Variants in ESR2 observed in about 807,000 individuals in gnomAD.
ESR2 encodes the protein estrogen receptor beta.
Under a neutral mutation model 49.6 loss-of-function variants are expected in ESR2, and 36 were observed. The observed-to-expected ratio is 0.73, with a 90% CI of 0.56 to 0.96. The LOEUF is 0.96. ESR2 is among the 40% of genes least tolerant of loss of function. The pLI is 0.00. For missense variants in ESR2, 714 were observed against 693.0 expected (o/e 1.03, Z -0.34); for synonymous variants, 320 against 266.1 (o/e 1.20, Z -1.97).
chr14:64,294,661 G>A (rs2076930034), upstream of ESR2, among the ~76,000 whole-genome samples: 1 of 152,220 alleles, frequency 6.6e-6, no homozygotes, highest in Admixed American at 6.5e-5. Context: ...CACTGATACA[G>A]CCAGTCTGGG....
At chr14:64,276,951 T>C (rs1003002536) in intron 3 of ESR2, among the ~76,000 whole-genome samples, 8 of 152,216 alleles carry the variant, frequency 5.3e-5, no homozygotes, top group Admixed American at 2.6e-4. Context: ...CTATAATCTA[T>C]TGTCTTGTTC....
At chr14:64,333,977 A>C (rs900197612) in intron 1 of ESR2, among the ~76,000 whole-genome samples, 22 of 152,114 alleles carry the variant, frequency 1.4e-4, no homozygotes, top group African/African-American at 4.8e-4. Flanking sequence ...AAATCTTTCA[A>C]ATCTGTGTGT....
chr14:64,300,752 T>C (rs1253807823), intron 1 of ESR2, among the ~76,000 whole-genome samples: 1 of 150,094 alleles, frequency 6.7e-6, no homozygotes, highest in Non-Finnish European at 1.5e-5. Context: ...ACCTCATCTT[T>C]AAAAAAAAAA....
intron 7 of ESR2, among the ~76,000 whole-genome samples, chr14:64,236,692 G>A (rs1175005796): frequency 6.6e-6 from 1 of 151,954 alleles, no homozygotes; most frequent in Non-Finnish European, 1.5e-5. Flanking sequence ...TCTCTACCCT[G>A]ATTCTTTTGC....
chr14:64,296,020 G>A (rs1171905863), upstream of ESR2, among the ~76,000 whole-genome samples: 2 of 143,696 alleles, frequency 1.4e-5, no homozygotes, highest in South Asian at 2.2e-4. Flanking sequence ...TTCCAGCCTG[G>A]GCGACAGAGC....
chr14:64,262,657 TG>T (rs2076246685), intron 4 of ESR2, among the ~76,000 whole-genome samples: 1 of 142,682 alleles, frequency 7.0e-6, no homozygotes, highest in South Asian at 2.3e-4. Context: ...AGGCCAAAGG[TG>T]GTTTCGGCGG....
chr14:64,299,832 C>A (rs2077002594), intron 1 of ESR2, among the ~76,000 whole-genome samples: 1 of 152,176 alleles, frequency 6.6e-6, no homozygotes, highest in African/African-American at 2.4e-5. Flanking sequence ...ATGAACTTCT[C>A]CAAGTAGTTC....
In ESR2 at chr14:64,303,524, A is replaced by G. The variant is rs377369697; in HGVS notation, c.-90-20449T>C. 21 of 152,072 alleles carry G rather than the reference A, an allele frequency of 1.4e-4. No individual in the cohort carries two copies. The East Asian group carries it at 3.1e-3, about 22-fold the overall frequency. 9.4% of individuals were successfully genotyped at this position (152,072 alleles called of 1,614,324 possible). ...TGTGCATTCTCCTCCTGCTCCCTCT[A>G]TCGTCCCTTCAACCTCCAGTCCTGG... On this transcript the variant is annotated intron_variant, in intron 1 of 8. Coordinates refer to the ESR2 transcript ENST00000358599.
At chr14:64,314,796 T>C (rs1379477637) in intron 1 of ESR2, among the ~76,000 whole-genome samples, 2 of 137,994 alleles carry the variant, frequency 1.4e-5, no homozygotes, top group South Asian at 2.2e-4. Flanking sequence ...GAGAATCACT[T>C]GAACCTGGGA....
intron 7 of ESR2, among the ~76,000 whole-genome samples, chr14:64,246,765 A>C (rs999864550): frequency 8.5e-5 from 12 of 141,478 alleles, no homozygotes; most frequent in Admixed American, 1.4e-4. Context: ...AAAAAAAAAA[A>C]AACACACCTG....
At chr14:64,298,493 T>C (rs906556114), upstream of ESR2, 2 of 152,218 alleles carry the variant, frequency 1.3e-5, no homozygotes, top group African/African-American at 4.8e-5. Flanking sequence ...TACTGTTGAA[T>C]GAAATGTTGT....
At chr14:64,304,353 C>A (rs140782198) in intron 1 of ESR2, among the ~76,000 whole-genome samples, 2 of 152,146 alleles carry the variant, frequency 1.3e-5, no homozygotes, top group East Asian at 1.9e-4. Flanking sequence ...TTACAGATTG[C>A]TAAATTCCAA....
Position 64,275,768 on chromosome 14 carries a change from C to G in ESR2, c.535+4213G>C, listed in dbSNP as rs936096210. 1.1e-4 allele frequency among the ~76,000 whole-genome samples: 16 copies of G among 152,194 alleles called. No homozygotes were observed. The South Asian group carries it at 1.2e-3, about 12-fold the overall frequency. ...TGGTTCTTCCTTTAGACTTTCTACT[C>G]AAAATATGAGGTTACAAACCACAAT... On this transcript the variant is annotated intron_variant, in intron 3 of 8. Transcript: ENST00000341099.
chr14:64,291,730 A>G (rs1047336333), intron 1 of ESR2, among the ~76,000 whole-genome samples: 1 of 152,202 alleles, frequency 6.6e-6, no homozygotes, highest in Non-Finnish European at 1.5e-5. Flanking sequence ...TAAGTTGGAC[A>G]CAGACCTAAG....
intron 3 of ESR2, among the ~76,000 whole-genome samples, chr14:64,272,327 T>C (rs981614910): frequency 8.5e-5 from 13 of 152,214 alleles, no homozygotes; most frequent in Admixed American, 8.5e-4. Flanking sequence ...GCAGATATTT[T>C]CTCCCATTCT....
In ESR2 at chr14:64,294,216, T is replaced by C. The variant is rs1359218939; in HGVS notation, c.-274A>G. 1 of 152,156 alleles carries C rather than the reference T, an allele frequency of 6.6e-6. No homozygotes were observed. Among genetic ancestry groups the C allele is most frequent in the East Asian group, 1.9e-4 (1 of 5,178 alleles). The allele number at this position is 152,156 out of a possible 1,614,324, so 9.4% of individuals were successfully genotyped here. A position where few individuals can be genotyped will look rare whatever the true frequency, so the allele number is the denominator to read the frequency against. ...GCCCCAGAGCCCGTCGCAGCTCGGG[T>C]GGTCCCTCCCCGGCCCAGCGCTCGC... On this transcript the variant is annotated 5_prime_UTR_variant, in exon 1 of 9. Transcript: ENST00000341099.
chr14:64,337,126 C>T (rs1306997968), intron 1 of ESR2, among the ~76,000 whole-genome samples: 2 of 152,180 alleles, frequency 1.3e-5, no homozygotes, highest in Admixed American at 6.5e-5. Flanking sequence ...ATTATTTGCT[C>T]AGTAAATGAA....
chr14:64,322,184 G>A (rs1174480899), intron 1 of ESR2, among the ~76,000 whole-genome samples: 2 of 151,974 alleles, frequency 1.3e-5, no homozygotes, highest in African/African-American at 4.8e-5. Flanking sequence ...TCATGCTCCC[G>A]AGTAGCTGGG....
At chr14:64,326,731 A>T (rs2077394904) in intron 1 of ESR2, among the ~76,000 whole-genome samples, 1 of 152,196 alleles carries the variant, frequency 6.6e-6, no homozygotes, top group Admixed American at 6.6e-5. Context: ...CCCATACCAG[A>T]AATATGAAAC....
Sources: allele counts gnomAD v4.1 joint callset (sites outside exome capture counted in the v4.1 genomes callset), GRCh38; gene constraint gnomAD v4.1.1; transcripts MANE v1.5; gene names NCBI Gene and HGNC (gene_info 2026-07-23, HGNC 2026-07-21).